The following WDR64 variants were observed in gnomAD, a reference collection of about 807,000 sequenced individuals.
WDR64 encodes WD repeat-containing protein 64.
Under a neutral mutation model 139.3 loss-of-function variants are expected in WDR64, and 112 were observed. The observed-to-expected ratio is 0.80, with a 90% confidence interval of 0.69 to 0.94. WDR64 has a LOEUF of 0.94. WDR64 is among the 40% of genes least tolerant of loss of function. The pLI, the probability that WDR64 is intolerant of heterozygous loss-of-function variation, is 0.00. For missense variants in WDR64, 1,206 were observed against 1,293.1 expected, an observed-to-expected ratio of 0.93 and a Z score of 1.03; for synonymous variants, 444 against 437.7, an observed-to-expected ratio of 1.01 and a Z score of -0.18.
chr1:241,727,467 A>G (rs1668889877), intron 10 of WDR64, among the ~76,000 whole-genome samples: 1 of 152,186 alleles, frequency 6.6e-6, no homozygotes, highest in Non-Finnish European at 1.5e-5. Context: ...ATATCTTTCC[A>G]TTTGGTTTCT....
chr1:241,766,444 C>T, intron 16 of WDR64, 93 bp downstream of exon 16: 1 of 1,424,888 alleles, frequency 7.0e-7, no homozygotes, highest in Non-Finnish European at 9.3e-7. Context: ...GGCGCGGTGG[C>T]TCAGGTCTGT....
At chr1:241,665,164 C>A (rs1397583274) in intron 2 of WDR64, among the ~76,000 whole-genome samples, 1 of 151,914 alleles carries the variant, frequency 6.6e-6, no homozygotes, top group Non-Finnish European at 1.5e-5. Flanking sequence ...AAACTCATGG[C>A]CAGCTTCTGG....
chr1:241,782,508 G>A (rs891189655), intron 22 of WDR64, among the ~76,000 whole-genome samples: 1 of 152,102 alleles, frequency 6.6e-6, no homozygotes. Flanking sequence ...GTGTCAGTCC[G>A]GGTTTATCAG....
Position 241,679,614 on chromosome 1 carries a change from T to C in WDR64, c.624+19T>C, listed in dbSNP as rs911273330. 6.5e-7 allele frequency: 1 copy of C among 1,543,430 alleles called. No individual in the cohort carries two copies. The highest frequency in any genetic ancestry group is 1.4e-5 in the African/African-American group (1 of 72,896). ...CAGCCAGGTATTGTGCCAAGAGAAATACTCAAAGAAATGAGATTGTCTTTT... is the reference window on the plus strand; with the variant it reads ...CAGCCAGGTATTGTGCCAAGAGAAACACTCAAAGAAATGAGATTGTCTTTT... On this transcript the variant is annotated intron_variant, in intron 6 of 27. Coordinates refer to ENST00000437684, the MANE Select transcript of WDR64 (RefSeq NM_001367482.1).
intron 13 of WDR64, 101 bp from the exon 14 acceptor site, chr1:241,749,446 G>T (rs1669895519): frequency 2.9e-6 from 4 of 1,359,502 alleles, no homozygotes; most frequent in Non-Finnish European, 4.1e-6. Context: ...AGGATAAATT[G>T]TTGGCAGAAA....
chr1:241,688,219 A>G (rs1667083521), intron 8 of WDR64, among the ~76,000 whole-genome samples: 1 of 152,152 alleles, frequency 6.6e-6, no homozygotes, highest in South Asian at 2.1e-4. Context: ...ATGTAATATC[A>G]AAAAAAGGGC....
At chr1:241,733,616 CATATT>C (rs1267334043) in intron 10 of WDR64, among the ~76,000 whole-genome samples, 4 of 149,744 alleles carry the variant, frequency 2.7e-5, no homozygotes, top group African/African-American at 7.3e-5. Flanking sequence ...CATATATGCA[CATATT>C]ATATGAATAT....
At chr1:241,735,823 ATCTC>A (rs762750963) in intron 10 of WDR64, among the ~76,000 whole-genome samples, 971 of 82,732 alleles carry the variant, frequency 0.012, 6 homozygotes, top group East Asian at 0.039. Flanking sequence ...TTCTCTTTCT[ATCTC>A]TCTCTCTCTC....
intron 10 of WDR64, among the ~76,000 whole-genome samples, chr1:241,736,185 G>C (rs1219463333): frequency 1.3e-5 from 2 of 152,070 alleles, no homozygotes; most frequent in Non-Finnish European, 2.9e-5. Flanking sequence ...TGCTGCCACT[G>C]CCTGCTCCAG....
At chr1:241,686,533 C>T (rs1667011536) in intron 7 of WDR64, among the ~76,000 whole-genome samples, 1 of 152,128 alleles carries the variant, frequency 6.6e-6, no homozygotes, top group East Asian at 1.9e-4. Context: ...GTCCTTAGTA[C>T]CTGGGATGCA....
At chr1:241,705,559 A>AAATTAAT (rs1553368512) in intron 8 of WDR64, among the ~76,000 whole-genome samples, 1 of 136,668 alleles carries the variant, frequency 7.3e-6, no homozygotes, top group Non-Finnish European at 1.5e-5. Flanking sequence ...ATAAATAAAT[A>AAATTAAT]AATAATAATA....
intron 9 of WDR64, among the ~76,000 whole-genome samples, chr1:241,717,062 A>G (rs6660108): frequency 0.5 from 75,467 of 152,008 alleles, 19,525 homozygotes; most frequent in Non-Finnish European, 0.57. Context: ...AAGATCACCT[A>G]TGGGTGCAAG....
chr1:241,696,113 C>CAAAAAAAAAAAAAAAAAAAAAAAAAAAA (rs541301982), intron 8 of WDR64, among the ~76,000 whole-genome samples: 1 of 22,324 alleles, frequency 4.5e-5, no homozygotes, highest in African/African-American at 1.4e-4. Flanking sequence ...GACCCAGTAT[C>CAAAAAAAAAAAAAAAAAAAAAAAAAAAA]AAAAAAAAAA....
In WDR64 at chr1:241,711,817, T is replaced by C. The variant is rs1668179884; in HGVS notation, c.990T>C (p.Phe330=). 2.5e-6 allele frequency: 4 copies of C among 1,614,090 alleles called. No individual in the cohort carries two copies. The highest frequency in any genetic ancestry group is 3.4e-6 in the Non-Finnish European group (4 of 1,180,044). Reference sequence around the variant, plus strand: ...TGTTTTCCAGGCCTGTCAGAGAGTTTTCCATGCCAAGAGGAGCCAACACTT... The same window carrying C: ...TGTTTTCCAGGCCTGTCAGAGAGTTCTCCATGCCAAGAGGAGCCAACACTT... ...RLEDNLPVRE[F]SMPRGANTFC... Residue 330 remains phenylalanine, a synonymous_variant, in exon 9 of 28, where the codon TTT becomes TTC. Transcript: ENST00000437684.
intron 2 of WDR64, among the ~76,000 whole-genome samples, chr1:241,667,851 C>T (rs971694791): frequency 1.3e-5 from 2 of 152,202 alleles, no homozygotes; most frequent in African/African-American, 4.8e-5. Context: ...TAAGTGGAAA[C>T]CATTGTTGTT....
intron 24 of WDR64, among the ~76,000 whole-genome samples, chr1:241,789,310 A>G (rs1659147519): frequency 6.6e-6 from 1 of 152,238 alleles, no homozygotes; most frequent in Admixed American, 6.5e-5. Context: ...ATCTCAGGAC[A>G]TAGTATTTCT....
At chr1:241,752,279 A>G (rs1670008814) in intron 14 of WDR64, among the ~76,000 whole-genome samples, 1 of 152,242 alleles carries the variant, frequency 6.6e-6, no homozygotes, top group Non-Finnish European at 1.5e-5. Context: ...TGTAGAAAAT[A>G]AGGGTAACTT....
At chr1:241,679,449 T>C (rs1248691660) in intron 5 of WDR64, 36 bp from the exon 6 acceptor site, 1 of 1,523,548 alleles carries the variant, frequency 6.6e-7, no homozygotes, top group East Asian at 2.5e-5. Context: ...TTGAAGGAAA[T>C]GCATTATATC....
intron 27 of WDR64, among the ~76,000 whole-genome samples, chr1:241,796,981 G>A (rs867691859): frequency 5.9e-5 from 9 of 152,250 alleles, no homozygotes; most frequent in East Asian, 1.9e-4. Flanking sequence ...GATTTGACAC[G>A]ACATAGAGGA....
Sources: allele counts gnomAD v4.1 joint callset (sites outside exome capture counted in the v4.1 genomes callset), GRCh38; gene constraint gnomAD v4.1.1; transcripts MANE v1.5; gene names NCBI Gene and HGNC (gene_info 2026-07-23, HGNC 2026-07-21).